PPM1H: variants seen among roughly 807,000 people sequenced by gnomAD.
The protein encoded by PPM1H is protein phosphatase, Mg2+/Mn2+ dependent 1H.
A neutral mutation model predicts 54.9 loss-of-function variants in PPM1H; 27 were observed. That is an observed-to-expected ratio of 0.49 (90% confidence interval 0.36 to 0.68). The LOEUF (loss-of-function observed/expected upper bound fraction) is 0.68. Among genes scored for constraint, PPM1H ranks in the 30% least tolerant of loss-of-function variants. PPM1H has a pLI of 0.00. For synonymous variants in PPM1H, 305 were observed against 270.8 expected (o/e 1.13, Z -1.24); for missense variants, 596 against 667.8 (o/e 0.89, Z 1.19).
intron 6 of PPM1H, among the ~76,000 whole-genome samples, chr12:62,694,697 G>A (rs1184646896): frequency 1.3e-5 from 2 of 152,080 alleles, no homozygotes; most frequent in African/African-American, 4.8e-5. Context: ...ACAAACAAGC[G>A]AACAAACAAC....
At chr12:62,801,534 C>A (rs1592606025) in intron 3 of PPM1H, among the ~76,000 whole-genome samples, 3 of 152,208 alleles carry the variant, frequency 2.0e-5, no homozygotes. Context: ...CCAGGCTGGT[C>A]TTGAACTCCT....
At chr12:62,907,375 G>A (rs958713483) in intron 1 of PPM1H, among the ~76,000 whole-genome samples, 3 of 152,140 alleles carry the variant, frequency 2.0e-5, no homozygotes, top group South Asian at 2.1e-4. Context: ...CTGCAGAAAT[G>A]AGCAAATTGC....
chr12:62,689,859 C>T lies in PPM1H; in HGVS notation c.1138-53G>A. The T allele has an allele frequency of 2.4e-6, 3 of 1,261,466 alleles. No homozygotes were observed. The Admixed American group carries it at 5.7e-5, about 24-fold the overall frequency. 78.1% of individuals were successfully genotyped at this position (1,261,466 alleles called of 1,614,324 possible). A position where few individuals can be genotyped will look rare whatever the true frequency, so the allele number is the denominator to read the frequency against. On this transcript the variant is annotated intron_variant, in intron 7 of 9. Coordinates refer to ENST00000228705, the MANE Select transcript of PPM1H (RefSeq NM_020700.2). Reference sequence around the variant, plus strand: ...AAACACGCACACAGTGAAAGCATCCCATTCCAGTGCAGCTGCCTGGGCTAG... The same window carrying T: ...AAACACGCACACAGTGAAAGCATCCTATTCCAGTGCAGCTGCCTGGGCTAG...
intron 6 of PPM1H, among the ~76,000 whole-genome samples, chr12:62,718,434 C>T (rs1418258756): frequency 6.6e-6 from 1 of 152,084 alleles, no homozygotes; most frequent in African/African-American, 2.4e-5. Context: ...TAGAATGGCC[C>T]TCCAAAAACA....
At chr12:62,924,894 T>C (rs937158350) in intron 1 of PPM1H, among the ~76,000 whole-genome samples, 2 of 151,874 alleles carry the variant, frequency 1.3e-5, no homozygotes, top group African/African-American at 4.8e-5. Flanking sequence ...ATACAAAAAA[T>C]TAGCCAGGTG....
At chr12:62,791,810 G>A (rs1403640271) in intron 3 of PPM1H, among the ~76,000 whole-genome samples, 1 of 152,142 alleles carries the variant, frequency 6.6e-6, no homozygotes, top group Non-Finnish European at 1.5e-5. Flanking sequence ...TATAGTCCAA[G>A]CTACTTGGGA....
intron 1 of PPM1H, among the ~76,000 whole-genome samples, chr12:62,863,048 G>T (rs1869656677): frequency 6.6e-6 from 1 of 152,024 alleles, no homozygotes; most frequent in African/African-American, 2.4e-5. Context: ...TTAGACAGAG[G>T]CTCACTCCAT....
chr12:62,877,008 G>GC (rs1870197915), intron 1 of PPM1H, among the ~76,000 whole-genome samples: 2 of 152,134 alleles, frequency 1.3e-5, no homozygotes, highest in Non-Finnish European at 2.9e-5. Context: ...AGTTCTTTCT[G>GC]CCCCTACAAA....
At position 62,648,536 on chromosome 12, in the gene PPM1H, TGTC is replaced by T; in HGVS notation, c.1495_1497del (p.Asp499del). ...ATTAAAGGAATGACATATACAGAAA[TGTC>T]GTCTCCTGAGCCCAGTCGGTCATTA... On this transcript the variant is annotated inframe_deletion, in exon 10 of 10. Transcript: ENST00000228705. 1 of 1,613,990 alleles carries T rather than the reference TGTC, an allele frequency of 6.2e-7. No individual in the cohort carries two copies. The highest frequency in any genetic ancestry group is 8.5e-7 in the Non-Finnish European group (1 of 1,179,894).
At chr12:62,719,083 G>C (rs935046949) in intron 6 of PPM1H, among the ~76,000 whole-genome samples, 5 of 152,218 alleles carry the variant, frequency 3.3e-5, no homozygotes, top group Non-Finnish European at 7.3e-5. Flanking sequence ...CCTTGTTGTA[G>C]AGGAAGAAGA....
intron 2 of PPM1H, among the ~76,000 whole-genome samples, chr12:62,812,443 G>A (rs1168918053): frequency 9.2e-5 from 14 of 152,078 alleles, no homozygotes; most frequent in African/African-American, 2.4e-5. Context: ...GCCCCTTCCT[G>A]ACTTACCATA....
At chr12:62,856,489 G>A (rs1313477885) in intron 1 of PPM1H, among the ~76,000 whole-genome samples, 1 of 151,932 alleles carries the variant, frequency 6.6e-6, no homozygotes, top group East Asian at 1.9e-4. Flanking sequence ...CAGATGAGAT[G>A]GTACATCCAA....
intron 4 of PPM1H, among the ~76,000 whole-genome samples, chr12:62,776,738 C>T (rs1304067442): frequency 6.6e-6 from 1 of 152,188 alleles, no homozygotes; most frequent in Non-Finnish European, 1.5e-5. Context: ...GGCTCACTTC[C>T]AAGGGCTGAC....
intron 4 of PPM1H, 92 bp from the exon 5 acceptor site, chr12:62,737,678 G>T: frequency 1.2e-6 from 1 of 855,562 alleles, no homozygotes; most frequent in Non-Finnish European, 1.7e-6. Flanking sequence ...CACATGAAAT[G>T]CCAAGAGATG....
chr12:62,708,304 TTG>T (rs2076186673), intron 6 of PPM1H, among the ~76,000 whole-genome samples: 1 of 152,224 alleles, frequency 6.6e-6, no homozygotes. Context: ...TCTCCAGCTC[TTG>T]TGTGTGGATT....
chr12:62,837,646 A>G (rs1285347006), intron 1 of PPM1H, among the ~76,000 whole-genome samples: 1 of 152,256 alleles, frequency 6.6e-6, no homozygotes, highest in African/African-American at 2.4e-5. Context: ...CTAAAATAAG[A>G]ATAGTCACTT....
At chr12:62,819,834 C>G (rs2076891003) in intron 2 of PPM1H, among the ~76,000 whole-genome samples, 1 of 152,198 alleles carries the variant, frequency 6.6e-6, no homozygotes, top group Non-Finnish European at 1.5e-5. Context: ...GGAAACAGCT[C>G]TGGTGTGCAG....
intron 4 of PPM1H, among the ~76,000 whole-genome samples, chr12:62,766,851 G>A (rs1193645775): frequency 6.6e-6 from 1 of 152,218 alleles, no homozygotes; most frequent in Non-Finnish European, 1.5e-5. Flanking sequence ...TTCTAGAAGG[G>A]TGCGAGGAAT....
At position 62,874,904 on chromosome 12, in the gene PPM1H, G is replaced by C. The variant is rs149468866; in HGVS notation, c.246-42625C>G. 8.4e-3 allele frequency among the ~76,000 whole-genome samples: 1,283 copies of C among 152,254 alleles called. 16 individuals are homozygous for C. Among genetic ancestry groups the C allele is most frequent in the Non-Finnish European group, 0.011 (752 of 68,030 alleles). On this transcript the variant is annotated intron_variant, in intron 1 of 9. Coordinates refer to ENST00000228705, the MANE Select transcript of PPM1H (RefSeq NM_020700.2). ...TGTAACACTGAACACTCACCCTTGG[G>C]TTTCTATAACATGAGAACCAAGGAG... is the stretch of plus-strand genomic sequence containing the variant.
Sources: allele counts gnomAD v4.1 joint callset (sites outside exome capture counted in the v4.1 genomes callset), GRCh38; gene constraint gnomAD v4.1.1; transcripts MANE v1.5; gene names NCBI Gene and HGNC (gene_info 2026-07-23, HGNC 2026-07-21).